The following RANBP9 variants were observed in gnomAD, a reference collection of about 807,000 sequenced individuals.
The protein encoded by RANBP9 is ran-binding protein 9.
Under a neutral mutation model 84.3 loss-of-function variants are expected in RANBP9, and 15 were observed. The ratio of observed to expected loss-of-function variants is 0.18; its 90% CI spans 0.12 to 0.27. The LOEUF (loss-of-function observed/expected upper bound fraction) is 0.27. Among genes scored for constraint, RANBP9 ranks in the 10% least tolerant of loss-of-function variants. The pLI, the probability that RANBP9 is intolerant of heterozygous loss-of-function variation, is 1.00. For missense variants in RANBP9, 809 were observed against 912.8 expected, an observed-to-expected ratio of 0.89 and a Z score of 1.46; for synonymous variants, 392 against 349.6, an observed-to-expected ratio of 1.12 and a Z score of -1.35.
chr6:13,650,116 C>T (rs1765262612), intron 5 of RANBP9, among the ~76,000 whole-genome samples: 1 of 151,206 alleles, frequency 6.6e-6, no homozygotes, highest in Admixed American at 6.6e-5. Flanking sequence ...CATTCCATCA[C>T]TATTTACTAA....
intron 2 of RANBP9, among the ~76,000 whole-genome samples, chr6:13,659,642 G>C (rs1765496531): frequency 6.6e-6 from 1 of 152,088 alleles, no homozygotes; most frequent in Non-Finnish European, 1.5e-5. Flanking sequence ...ACTGAATCCA[G>C]TTTGTTAAAA....
At chr6:13,631,076 G>T (rs1764768724) in intron 12 of RANBP9, among the ~76,000 whole-genome samples, 1 of 152,222 alleles carries the variant, frequency 6.6e-6, no homozygotes, top group East Asian at 1.9e-4. Context: ...CCAAAGTGCT[G>T]GGAATACAGG....
At position 13,644,654 on chromosome 6, in the gene RANBP9, C is replaced by T. The variant is rs78716684; in HGVS notation, c.1003G>A (p.Val335Met). 8.4e-5 allele frequency: 136 copies of T among 1,613,250 alleles called. No homozygotes were observed. In the African/African-American group the frequency reaches 1.5e-3, roughly 18 times the overall value. ...CGCATATAGTCTTCTATATCAAACACGAAAGGATGTTGCCCAAAATTGGCA... is the reference window on the plus strand; with the variant it reads ...CGCATATAGTCTTCTATATCAAACATGAAAGGATGTTGCCCAAAATTGGCA... ...VDANFGQHPFVFDIEDYMREW... is the reference protein window; with the variant it reads ...VDANFGQHPFMFDIEDYMREW... Residue 335 changes from valine to methionine, a missense_variant, in exon 6 of 14, where the codon GTG becomes ATG. Val to Met is a conservative substitution (Grantham distance 21). Transcript: ENST00000011619.
intron 4 of RANBP9, among the ~76,000 whole-genome samples, chr6:13,654,739 G>A (rs1765363354): frequency 6.6e-6 from 1 of 152,194 alleles, no homozygotes; most frequent in Non-Finnish European, 1.5e-5. Context: ...GTGGCTGGTT[G>A]CTAATGAAAT....
At chr6:13,697,411 T>G (rs1198589321) in intron 1 of RANBP9, among the ~76,000 whole-genome samples, 3 of 152,248 alleles carry the variant, frequency 2.0e-5, no homozygotes, top group Admixed American at 6.5e-5. Flanking sequence ...TACAGTTTTG[T>G]TCTTTGGTAT....
intron 2 of RANBP9, among the ~76,000 whole-genome samples, chr6:13,672,231 C>G (rs891160049): frequency 2.6e-5 from 4 of 152,026 alleles, no homozygotes; most frequent in Non-Finnish European, 5.9e-5. Flanking sequence ...ATAATTCCAG[C>G]CCCCTCTAAC....
At position 13,711,474 on chromosome 6, in the gene RANBP9, T is replaced by G. The variant is rs564919776; in HGVS notation, c.32A>C (p.Gln11Pro). The change falls in exon 1 of 14, where the codon CAG (glutamine) becomes CCG (proline). Residue 11 changes from glutamine to proline, a missense_variant. By Grantham distance (76) the Gln-to-Pro change is moderately conservative. Coordinates refer to ENST00000011619, the MANE Select transcript of RANBP9 (RefSeq NM_005493.3). Reference sequence around the variant, plus strand: ...CAGCTGCTGCTGCTGTTGCTGCTGCTGCGGCGGCGGCGGCGGCGGCTGCCC... The same window carrying G: ...CAGCTGCTGCTGCTGTTGCTGCTGCGGCGGCGGCGGCGGCGGCGGCTGCCC... Reference protein sequence around the residue: MSGQPPPPPPQQQQQQQQLSP... With the variant: MSGQPPPPPPPQQQQQQQLSP... The G allele has an allele frequency of 1.8e-3, 2,163 of 1,234,000 alleles. 7 individuals are homozygous for G. Among genetic ancestry groups the G allele is most frequent in the African/African-American group, 4.0e-3 (248 of 62,124 alleles). 76.4% of individuals were successfully genotyped at this position (1,234,000 alleles called of 1,614,324 possible). A position where few individuals can be genotyped will look rare whatever the true frequency, so the allele number is the denominator to read the frequency against.
At chr6:13,709,031 T>C (rs1407168205) in intron 1 of RANBP9, among the ~76,000 whole-genome samples, 1 of 152,224 alleles carries the variant, frequency 6.6e-6, no homozygotes, top group Non-Finnish European at 1.5e-5. Flanking sequence ...AAGTGAACCT[T>C]AGTATTACAC....
intron 2 of RANBP9, among the ~76,000 whole-genome samples, chr6:13,665,991 C>G (rs562161465): frequency 6.6e-6 from 1 of 152,056 alleles, no homozygotes; most frequent in Non-Finnish European, 1.5e-5. Context: ...TAGGAAGGAG[C>G]ATGAGGGAAC....
intron 2 of RANBP9, among the ~76,000 whole-genome samples, chr6:13,692,707 C>T (rs1156469930): frequency 6.6e-6 from 1 of 151,656 alleles, no homozygotes; most frequent in Non-Finnish European, 1.5e-5. Flanking sequence ...CAAAAATTAG[C>T]CAGGTGTGGT....
intron 1 of RANBP9, among the ~76,000 whole-genome samples, chr6:13,710,182 G>A (rs1449126439): frequency 6.6e-6 from 1 of 152,186 alleles, no homozygotes; most frequent in African/African-American, 2.4e-5. Flanking sequence ...AACTGCAAGT[G>A]CAAAACATAA....
At chr6:13,704,813 T>G (rs1219343202) in intron 1 of RANBP9, among the ~76,000 whole-genome samples, 2 of 152,182 alleles carry the variant, frequency 1.3e-5, no homozygotes, top group Non-Finnish European at 2.9e-5. Flanking sequence ...ACTCATCTTT[T>G]AAGACTGACC....
chr6:13,658,950 G>A (rs1003234946), intron 2 of RANBP9, 118 bp from the exon 3 acceptor site: 23 of 909,628 alleles, frequency 2.5e-5, no homozygotes, highest in Admixed American at 2.0e-4. Flanking sequence ...TCCTAAGGTA[G>A]CAACAAAAAT....
chr6:13,672,084 T>C (rs1765790509), intron 2 of RANBP9, among the ~76,000 whole-genome samples: 1 of 152,144 alleles, frequency 6.6e-6, no homozygotes, highest in African/African-American at 2.4e-5. Flanking sequence ...AGCTTTAACT[T>C]GTGAGGGCTC....
At chr6:13,630,928 GCCT>G (rs2127760891) in intron 12 of RANBP9, among the ~76,000 whole-genome samples, 1 of 151,966 alleles carries the variant, frequency 6.6e-6, no homozygotes, top group East Asian at 1.9e-4. Flanking sequence ...TCCTGCCTCA[GCCT>G]CCTGAGTAGC....
chr6:13,693,124 T>C (rs1328130497), intron 2 of RANBP9, among the ~76,000 whole-genome samples: 1 of 152,070 alleles, frequency 6.6e-6, no homozygotes, highest in Non-Finnish European at 1.5e-5. Flanking sequence ...GAAAATGCCA[T>C]AAGAAAGGTA....
At chr6:13,641,054 G>T in intron 8 of RANBP9, 145 bp downstream of exon 8, 1 of 464,942 alleles carries the variant, frequency 2.2e-6, no homozygotes, top group Non-Finnish European at 3.7e-6. Flanking sequence ...TTCATAACAT[G>T]TTGCTTAAAT....
chr6:13,648,299 C>T (rs946980808), intron 5 of RANBP9, among the ~76,000 whole-genome samples: 3 of 151,868 alleles, frequency 2.0e-5, no homozygotes, highest in Non-Finnish European at 4.4e-5. Flanking sequence ...AGCCACATGC[C>T]ACCACTCCTG....
At chr6:13,647,178 G>A (rs895209979) in intron 5 of RANBP9, among the ~76,000 whole-genome samples, 2 of 152,066 alleles carry the variant, frequency 1.3e-5, no homozygotes, top group African/African-American at 4.8e-5. Flanking sequence ...ACAAAAATAA[G>A]TATGTGCAAA....
Sources: allele counts gnomAD v4.1 joint callset (sites outside exome capture counted in the v4.1 genomes callset), GRCh38; gene constraint gnomAD v4.1.1; transcripts MANE v1.5; gene names NCBI Gene and HGNC (gene_info 2026-07-23, HGNC 2026-07-21).